The following PLOD1 variants were observed in gnomAD, a reference collection of about 807,000 sequenced individuals.
The protein encoded by PLOD1 is lysine hydroxylase.
Under a neutral mutation model 94.7 loss-of-function variants are expected in PLOD1, and 70 were observed. The ratio of observed to expected loss-of-function variants is 0.74; its 90% CI spans 0.61 to 0.90. The LOEUF (loss-of-function observed/expected upper bound fraction) is 0.90. Among genes scored for constraint, PLOD1 ranks in the 40% least tolerant of loss-of-function variants. PLOD1 has a pLI of 0.00. For missense variants in PLOD1, 905 were observed against 972.7 expected, an observed-to-expected ratio of 0.93 and a Z score of 0.93; for synonymous variants, 417 against 400.2, an observed-to-expected ratio of 1.04 and a Z score of -0.50.
At chr1:11,968,637 C>T (rs1464163079) in intron 16 of PLOD1, among the ~76,000 whole-genome samples, 1 of 151,150 alleles carries the variant, frequency 6.6e-6, no homozygotes, top group Non-Finnish European at 1.5e-5. Context: ...CCTCAGCCTC[C>T]CGAGTAGCTG....
At position 11,973,905 on chromosome 1, in the gene PLOD1, G is replaced by A. The variant is rs79044763; in HGVS notation, c.2029-748G>A. 6.2e-3 allele frequency among the ~76,000 whole-genome samples: 951 copies of A among 152,286 alleles called. 10 individuals carry two copies. Among genetic ancestry groups the A allele is most frequent in the African/African-American group, 0.022 (902 of 41,572 alleles). Reference sequence around the variant, plus strand: ...GCAAGGGACATTGGCAGTACCTGGAGACATAATTGGTTTTTACAACTATGA... The same window carrying A: ...GCAAGGGACATTGGCAGTACCTGGAAACATAATTGGTTTTTACAACTATGA... On this transcript the variant is annotated intron_variant, in intron 18 of 18. Coordinates refer to ENST00000196061, the MANE Select transcript of PLOD1 (RefSeq NM_000302.4).
In PLOD1 at chr1:11,973,104, G is replaced by A. The variant is rs1454489620; in HGVS notation, c.2028+107G>A. On this transcript the variant is annotated intron_variant, in intron 18 of 18. Coordinates refer to ENST00000196061, the MANE Select transcript of PLOD1 (RefSeq NM_000302.4). Reference sequence around the variant, plus strand: ...GGCAGAGGGGCCCCAGGTAACCAGTGCCAGAGAACCAGAAAAAAAAGGATG... The same window carrying A: ...GGCAGAGGGGCCCCAGGTAACCAGTACCAGAGAACCAGAAAAAAAAGGATG... The A allele has an allele frequency of 2.5e-6, 3 of 1,214,272 alleles. No homozygotes were observed. The African/African-American group carries it at 4.5e-5, about 18-fold the overall frequency. 75.2% of individuals were successfully genotyped at this position (1,214,272 alleles called of 1,614,324 possible). A position where few individuals can be genotyped will look rare whatever the true frequency, so the allele number is the denominator to read the frequency against.
Position 11,949,884 on chromosome 1 carries a change from C to G in PLOD1, c.280C>G (p.Leu94Val), listed in dbSNP as rs1049035720. 7 of 1,614,010 alleles carry G rather than the reference C, an allele frequency of 4.3e-6. No homozygotes were observed. Among genetic ancestry groups the G allele is most frequent in the Non-Finnish European group, 5.9e-6 (7 of 1,180,004 alleles). ...GGAGAAGCACGCAGACAAGGAGGAT[C>G]TGGTCATTCTCTTCGCAGACAGGTA... ...ALEKHADKED[L>V]VILFADSYDV... The change falls in exon 3 of 19, where the codon CTG becomes GTG. Residue 94 changes from leucine (L) to valine (V), a missense_variant. Coordinates refer to ENST00000196061, the MANE Select transcript of PLOD1 (RefSeq NM_000302.4).
intron 1 of PLOD1, among the ~76,000 whole-genome samples, chr1:11,936,828 C>G (rs147424578): frequency 1.3e-5 from 2 of 149,758 alleles, no homozygotes; most frequent in East Asian, 4.0e-4. Context: ...CAGCCAGGAA[C>G]CACCATTTCT....
In PLOD1 at chr1:11,967,105, G is replaced by A. The variant is rs532770042; in HGVS notation, c.1755+14G>A. ...GGCAACAACAAGGTGGGACCCTGAT[G>A]CCTGGGCTGGGGCCGCAGGGAGGCT... On this transcript the variant is annotated intron_variant, in intron 16 of 18. Transcript: ENST00000196061. 1.9e-6 allele frequency: 3 copies of A among 1,543,786 alleles called. No homozygotes were observed. Among genetic ancestry groups the A allele is most frequent in the Non-Finnish European group, 2.7e-6 (3 of 1,115,824 alleles).
At chr1:11,961,921 T>C (rs948986972) in intron 10 of PLOD1, among the ~76,000 whole-genome samples, 25 of 152,300 alleles carry the variant, frequency 1.6e-4, no homozygotes, top group African/African-American at 5.8e-4. Flanking sequence ...CTCAAGTAGA[T>C]GGGATTACAG....
At chr1:11,952,219 T>C (rs537416168) in intron 4 of PLOD1, among the ~76,000 whole-genome samples, 1 of 152,356 alleles carries the variant, frequency 6.6e-6, no homozygotes, top group South Asian at 2.1e-4. Flanking sequence ...CAAGGCACTC[T>C]GTGAGCTTGG....
rs371001571 is a variant in PLOD1 at position 11,964,201 on chromosome 1, G to A, written c.1229G>A (p.Arg410Gln). ...NKNVIAPLMT[R>Q]HGRLWSNFWG... ...AACGTCATTGCCCCGCTGATGACCCGGCATGGGAGGCTGTGGTCGAACTTC... is the reference window on the plus strand; with the variant it reads ...AACGTCATTGCCCCGCTGATGACCCAGCATGGGAGGCTGTGGTCGAACTTC... Residue 410 changes from arginine to glutamine, a missense_variant, in exon 12 of 19, where the codon CGG becomes CAG. Coordinates refer to ENST00000196061, the MANE Select transcript of PLOD1 (RefSeq NM_000302.4). 33 of 1,613,768 alleles carry A rather than the reference G, an allele frequency of 2.0e-5. No homozygotes were observed. The highest frequency in any genetic ancestry group is 1.8e-4 in the South Asian group (16 of 91,080).
chr1:11,939,017 T>G (rs1257139756), intron 1 of PLOD1, among the ~76,000 whole-genome samples: 2 of 152,182 alleles, frequency 1.3e-5, no homozygotes, highest in African/African-American at 4.8e-5. Flanking sequence ...CGAGGTCAGA[T>G]GTCCCACAGC....
Position 11,967,186 on chromosome 1 carries a change from A to G in PLOD1, c.1755+95A>G, listed in dbSNP as rs765392959. ...GGTCTTCTGGCAAGCTGGCCTGGCC[A>G]CCCTTTCTGGGACTCTTGACATAGG... is the stretch of plus-strand genomic sequence containing the variant. On this transcript the variant is annotated intron_variant, in intron 16 of 18. Transcript: ENST00000196061. 3.4e-4 allele frequency: 274 copies of G among 814,110 alleles called. No homozygotes were observed. The Middle Eastern group carries it at 6.5e-3, about 19-fold the overall frequency. 50.4% of individuals were successfully genotyped at this position (814,110 alleles called of 1,614,324 possible).
intron 2 of PLOD1, among the ~76,000 whole-genome samples, chr1:11,949,363 T>C (rs1306251040): frequency 6.6e-6 from 1 of 152,074 alleles, no homozygotes. Flanking sequence ...AGGTGGAGAA[T>C]GGTTTCCTTA....
intron 18 of PLOD1, among the ~76,000 whole-genome samples, chr1:11,974,299 C>T (rs917697323): frequency 5.9e-5 from 9 of 152,104 alleles, no homozygotes; most frequent in African/African-American, 2.2e-4. Flanking sequence ...GATTCTGTCT[C>T]AGCTTCCCGA....
chr1:11,958,730 G>T lies in PLOD1; in HGVS notation c.975+83G>T. 9 of 1,527,966 alleles carry T rather than the reference G, an allele frequency of 5.9e-6. No individual in the cohort carries two copies. Among genetic ancestry groups the T allele is most frequent in the Non-Finnish European group, 8.1e-6 (9 of 1,110,182 alleles). The allele number at this position is 1,527,966 out of a possible 1,614,324, so 94.7% of individuals were successfully genotyped here. On this transcript the variant is annotated intron_variant, in intron 9 of 18. Transcript: ENST00000196061. This position sits in a 1 kb window ranked among gnomAD's most constrained non-coding sequence, Gnocchi z 4.3. The stretch of plus-strand genomic sequence containing the variant: ...ACAAGGTAGCCCGAGACCTCTGAGG[G>T]TCTCACCGAATCTAGCTTATCTGGG...
At chr1:11,964,832 C>T (rs374293925) in intron 13 of PLOD1, 47 bp downstream of exon 13, 60 of 1,603,764 alleles carry the variant, frequency 3.7e-5, no homozygotes, top group Non-Finnish European at 4.9e-5. Flanking sequence ...ATGGGGCAGG[C>T]GGGAAGGTGG....
rs926957913 is a variant in PLOD1, at chr1:11,951,593, ATATAT to A, written c.467-1024_467-1020del. Among the ~76,000 whole-genome samples the A allele has an allele frequency of 2.1e-4, 31 of 145,810 alleles. 1 individual carries two copies. Among genetic ancestry groups the A allele is most frequent in the Middle Eastern group, 3.6e-3 (1 of 274 alleles). Reference sequence around the variant, plus strand: ...ATACTATATTTTTTTATAATGTAAAATATATTATATATATTATATATAATAATTTA... The same window carrying A: ...ATACTATATTTTTTTATAATGTAAAATATATATATTATATATAATAATTTA... On this transcript the variant is annotated intron_variant, in intron 4 of 18. Coordinates refer to ENST00000196061, the MANE Select transcript of PLOD1 (RefSeq NM_000302.4).
At chr1:11,960,838 C>G in intron 10 of PLOD1, 71 bp downstream of exon 10, 1 of 1,600,694 alleles carries the variant, frequency 6.2e-7, no homozygotes, top group East Asian at 2.2e-5. Flanking sequence ...TAAGGAGCAG[C>G]AGGCTGAGTG....
chr1:11,935,379 G>C (rs1423581778), intron 1 of PLOD1, among the ~76,000 whole-genome samples: 1 of 152,154 alleles, frequency 6.6e-6, no homozygotes, highest in Non-Finnish European at 1.5e-5. Flanking sequence ...GGACAGGGGA[G>C]GAATGGGGGT....
intron 16 of PLOD1, 67 bp downstream of exon 16, chr1:11,967,158 T>A (rs1169429291): frequency 9.7e-7 from 1 of 1,032,516 alleles, no homozygotes; most frequent in Non-Finnish European, 1.5e-6. Context: ...GCTCACTGTC[T>A]GGGGTCTTCT....
chr1:11,944,316 C>T (rs1469855322), intron 1 of PLOD1, among the ~76,000 whole-genome samples: 1 of 152,030 alleles, frequency 6.6e-6, no homozygotes, highest in Non-Finnish European at 1.5e-5. Context: ...AAGCAGGAAC[C>T]TGAGAAAGGG....
Sources: gnomAD v4.1 joint callset for allele counts (sites outside exome capture counted in the v4.1 genomes callset) on GRCh38, gnomAD v4.1.1 for gene constraint, Gnocchi (gnomAD v3.1) non-coding constraint, MANE v1.5 for transcripts, NCBI Gene and HGNC (gene_info 2026-07-23, HGNC 2026-07-21) for gene names.